Variants in PGA5 observed in about 807,000 individuals in gnomAD.
PGA5 encodes the protein pepsinogen A5.
PGA5 carries 19 observed loss-of-function variants against 15.9 expected under a neutral mutation model. The observed-to-expected ratio is 1.19, with a 90% CI of 0.83 to 1.75. PGA5 has a LOEUF of 1.75. PGA5 is among the 40% of genes most tolerant of loss of function. PGA5 has a pLI of 0.00. For synonymous variants in PGA5, 92 were observed against 95.8 expected (o/e 0.96, Z 0.23); for missense variants, 224 against 246.4 (o/e 0.91, Z 0.61).
intron 5 of PGA5, among the ~76,000 whole-genome samples, chr11:61,247,508 A>G (rs1854080650): frequency 6.6e-6 from 1 of 151,764 alleles, no homozygotes; most frequent in African/African-American, 2.4e-5. Flanking sequence ...CCATCTCCTG[A>G]CCTCGTGATC....
At chr11:61,248,303 C>CTTTT in intron 5 of PGA5, 116 bp from the exon 6 acceptor site, 1 of 1,611,098 alleles carries the variant, frequency 6.2e-7, no homozygotes. Flanking sequence ...ATTGGTCACA[C>CTTTT]CCCAGGACAG....
chr11:61,250,068 G>C, intron 8 of PGA5, 54 bp downstream of exon 8: 1 of 1,585,176 alleles, frequency 6.3e-7, no homozygotes, highest in Non-Finnish European at 8.6e-7. Context: ...TGTGGACACA[G>C]AGTCCCCTTC....
chr11:61,248,234 G>A (rs1290449591), intron 5 of PGA5, 185 bp from the exon 6 acceptor site: 1 of 1,427,958 alleles, frequency 7.0e-7, no homozygotes, highest in Non-Finnish European at 9.9e-7. Flanking sequence ...CATGGTAAGT[G>A]GAAACAACAG....
At chr11:61,248,173 C>A in intron 5 of PGA5, 2 of 855,970 alleles carry the variant, frequency 2.3e-6, no homozygotes, top group South Asian at 1.4e-5. Context: ...ACCACTCCCC[C>A]GCTGTGTGAC....
intron 8 of PGA5, among the ~76,000 whole-genome samples, 181 bp from the exon 9 acceptor site, chr11:61,250,951 T>G (rs71490315): frequency 0.055 from 7,898 of 144,416 alleles, 400 homozygotes; most frequent in African/African-American, 0.08. Context: ...CAGTCGTGCA[T>G]TGGATGGCTT....
chr11:61,249,476 G>C, intron 6 of PGA5, 193 bp from the exon 7 acceptor site: 4 of 1,125,814 alleles, frequency 3.6e-6, no homozygotes, highest in Non-Finnish European at 5.0e-6. Flanking sequence ...GCCTGGCAGA[G>C]GGTAGGCACT....
chr11:61,250,685 T>A (rs1854128792), intron 8 of PGA5: 1 of 463,528 alleles, frequency 2.2e-6, no homozygotes. Flanking sequence ...GGGATGGGGC[T>A]GCGGGGGTTC....
intron 5 of PGA5, among the ~76,000 whole-genome samples, chr11:61,247,824 T>C (rs1489909193): frequency 6.6e-6 from 1 of 151,974 alleles, no homozygotes; most frequent in Non-Finnish European, 1.5e-5. Context: ...AGTTTCTCAA[T>C]CTGGGCACTG....
At position 61,251,267 on chromosome 11, in the gene PGA5, G is replaced by A. The variant is rs146021695; in HGVS notation, c.1153G>A (p.Ala385Thr). Residue 385 changes from alanine to threonine, a missense_variant, in exon 9 of 9, where the codon GCC becomes ACC. By Grantham distance (58) the Ala-to-Thr change is moderately conservative (BLOSUM62 0). Coordinates refer to ENST00000312403, the MANE Select transcript of PGA5 (RefSeq NM_014224.5). ...CAGGGCAAACAACCAGGTCGGCCTG[G>A]CCCCTGTGGCTTAAGCCTAAGTCTC... ...FDRANNQVGL[A>T]PVA is the part of the protein sequence containing the mutation. 3.0e-5 allele frequency: 49 copies of A among 1,611,716 alleles called. No individual in the cohort carries two copies. The highest frequency in any genetic ancestry group is 4.1e-5 in the Non-Finnish European group (48 of 1,179,866).
chr11:61,251,030 C>T, intron 8 of PGA5, 102 bp from the exon 9 acceptor site: 4 of 1,606,524 alleles, frequency 2.5e-6, no homozygotes, highest in African/African-American at 1.3e-5. Context: ...CCTCCTTGCA[C>T]GTGCCTTACA....
chr11:61,251,264 C>T lies in PGA5; in HGVS notation c.1150C>T (p.Leu384=), dbSNP rs1411560975. The change falls in exon 9 of 9, where the codon CTG becomes TTG. Residue 384 remains leucine, a synonymous_variant. Transcript: ENST00000312403. ...VFDRANNQVG[L]APVA ...CGACAGGGCAAACAACCAGGTCGGCCTGGCCCCTGTGGCTTAAGCCTAAGT... is the reference window on the plus strand; with the variant it reads ...CGACAGGGCAAACAACCAGGTCGGCTTGGCCCCTGTGGCTTAAGCCTAAGT... 2.5e-6 allele frequency: 4 copies of T among 1,611,772 alleles called. No individual in the cohort carries two copies. Among genetic ancestry groups the T allele is most frequent in the Non-Finnish European group, 3.4e-6 (4 of 1,179,878 alleles).
chr11:61,249,289 G>A, intron 6 of PGA5: 2 of 386,912 alleles, frequency 5.2e-6, no homozygotes, highest in Non-Finnish European at 9.8e-6. Context: ...CTGGGTGTCT[G>A]TTCCCCTGGC....
At chr11:61,247,066 C>CACTTTCTT (rs1187715024) in intron 5 of PGA5, among the ~76,000 whole-genome samples, 2 of 151,992 alleles carry the variant, frequency 1.3e-5, no homozygotes, top group Non-Finnish European at 2.9e-5. Flanking sequence ...GGGCATCCTC[C>CACTTTCTT]ACTTTCTTAA....
rs1854139829 is a variant in PGA5, at chr11:61,251,397, G to C, written c.*116G>C. On this transcript the variant is annotated 3_prime_UTR_variant, in exon 9 of 9. Coordinates refer to ENST00000312403, the MANE Select transcript of PGA5 (RefSeq NM_014224.5). ...AGGGGAGTGTGAAGGTCTTGGCCCTGTTCCCTGTCCTACCAATAACGTAGA... is the reference window on the plus strand; with the variant it reads ...AGGGGAGTGTGAAGGTCTTGGCCCTCTTCCCTGTCCTACCAATAACGTAGA... 49 of 1,531,174 alleles carry C rather than the reference G, an allele frequency of 3.2e-5. No individual in the cohort carries two copies. The highest frequency in any genetic ancestry group is 4.1e-5 in the Non-Finnish European group (47 of 1,137,422). 94.8% of individuals were successfully genotyped at this position (1,531,174 alleles called of 1,614,324 possible). A position where few individuals can be genotyped will look rare whatever the true frequency, so the allele number is the denominator to read the frequency against.
At chr11:61,246,930 G>C (rs1854072540) in intron 5 of PGA5, among the ~76,000 whole-genome samples, 1 of 151,908 alleles carries the variant, frequency 6.6e-6, no homozygotes, top group African/African-American at 2.4e-5. Flanking sequence ...TAAAATCTAG[G>C]TTCCATTTGT....
intron 5 of PGA5, 49 bp from the exon 6 acceptor site, chr11:61,248,370 C>T (rs762155234): frequency 6.2e-7 from 1 of 1,613,812 alleles, no homozygotes; most frequent in Non-Finnish European, 8.5e-7. Flanking sequence ...GATGGTCACA[C>T]AAATGGACGA....
chr11:61,247,768 C>T (rs1298216139), intron 5 of PGA5, among the ~76,000 whole-genome samples: 2 of 152,044 alleles, frequency 1.3e-5, no homozygotes, highest in Non-Finnish European at 2.9e-5. Flanking sequence ...TTTATGAGCA[C>T]TTAAATATTT....
intron 5 of PGA5, chr11:61,248,178 T>A: frequency 1.1e-6 from 1 of 885,316 alleles, no homozygotes; most frequent in Non-Finnish European, 1.9e-6. Flanking sequence ...TCCCCCGCTG[T>A]GTGACCTTGG....
chr11:61,246,661 G>T (rs1413460986), intron 5 of PGA5, among the ~76,000 whole-genome samples: 1 of 151,890 alleles, frequency 6.6e-6, no homozygotes, highest in African/African-American at 2.4e-5. Flanking sequence ...TACTCAGGAG[G>T]CTGAGGCAGG....
Sources: gnomAD v4.1 joint callset for allele counts (sites outside exome capture counted in the v4.1 genomes callset) on GRCh38, gnomAD v4.1.1 for gene constraint, MANE v1.5 for transcripts, NCBI Gene and HGNC (gene_info 2026-07-23, HGNC 2026-07-21) for gene names.